Variants in SLC7A11 observed in about 807,000 individuals in gnomAD.
SLC7A11 encodes cystine/glutamate transporter.
Under a neutral mutation model 54.5 loss-of-function variants are expected in SLC7A11, and 35 were observed. That is an observed-to-expected ratio of 0.64 (90% confidence interval 0.49 to 0.85). The LOEUF (loss-of-function observed/expected upper bound fraction) is 0.85. Ranked by LOEUF, SLC7A11 falls within the 40% of genes least tolerant of loss-of-function variation. The pLI is 0.00. For synonymous variants in SLC7A11, 230 were observed against 225.2 expected (o/e 1.02, Z -0.19); for missense variants, 583 against 618.1 (o/e 0.94, Z 0.60).
rs1457188405 is a variant in SLC7A11 at position 138,164,337 on chromosome 4, T to G, written c.*7619A>C. On this transcript the variant is annotated 3_prime_UTR_variant, in exon 12 of 12. Coordinates refer to ENST00000280612, the MANE Select transcript of SLC7A11 (RefSeq NM_014331.4). Reference sequence around the variant, plus strand: ...TAAGATGAAAACAAACACACTTACTTCATAGCATCTTACCACTTACTTACA... The same window carrying G: ...TAAGATGAAAACAAACACACTTACTGCATAGCATCTTACCACTTACTTACA... The G allele has an allele frequency of 6.6e-6, 1 of 152,072 alleles. No homozygotes were observed. The highest frequency in any genetic ancestry group is 1.5e-5 in the Non-Finnish European group (1 of 67,992). The allele number at this position is 152,072 out of a possible 1,614,324, so 9.4% of individuals were successfully genotyped here.
intron 5 of SLC7A11, among the ~76,000 whole-genome samples, chr4:138,217,467 A>G (rs1737706419): frequency 6.6e-6 from 1 of 152,176 alleles, no homozygotes; most frequent in South Asian, 2.1e-4. Context: ...TCCATGGAGA[A>G]ATTCATCAGC....
chr4:138,226,095 T>C (rs1053859414), intron 3 of SLC7A11, among the ~76,000 whole-genome samples: 9 of 152,118 alleles, frequency 5.9e-5, no homozygotes, highest in Middle Eastern at 3.2e-3. Flanking sequence ...CTTAGGCAAA[T>C]GGAAGACAAA....
chr4:138,220,309 T>C (rs1232505364), intron 4 of SLC7A11, among the ~76,000 whole-genome samples: 1 of 152,172 alleles, frequency 6.6e-6, no homozygotes, highest in Admixed American at 6.5e-5. Context: ...GTATTACCCA[T>C]TCATGAAGTA....
rs145344234 is a variant in SLC7A11, at chr4:138,241,445, A to G, written c.277+348T>C. ...TGTCTCATTCAGCATGCCAGCTGCCAGAATGCCCAAGCTAAGTGTACAACT... is the reference window on the plus strand; with the variant it reads ...TGTCTCATTCAGCATGCCAGCTGCCGGAATGCCCAAGCTAAGTGTACAACT... On this transcript the variant is annotated intron_variant, in intron 1 of 11. Transcript: ENST00000280612. 1.8e-3 allele frequency among the ~76,000 whole-genome samples: 281 copies of G among 152,346 alleles called. 6 individuals are homozygous for G. Among genetic ancestry groups the G allele is most frequent in the African/African-American group, 6.3e-3 (262 of 41,588 alleles).
At chr4:138,219,742 G>A (rs942542026) in intron 4 of SLC7A11, among the ~76,000 whole-genome samples, 3 of 152,004 alleles carry the variant, frequency 2.0e-5, no homozygotes, top group African/African-American at 7.3e-5. Context: ...ATAATGTTTT[G>A]CTTGGCAAGA....
chr4:138,172,101 A>AAT (rs1030897142), intron 11 of SLC7A11, 84 bp from the exon 12 acceptor site: 2 of 1,380,964 alleles, frequency 1.4e-6, no homozygotes, highest in Admixed American at 5.3e-5. Context: ...TTTTGGGTTG[A>AAT]ATACCAAAAA....
rs541273722 is a variant in SLC7A11, at chr4:138,173,486, A to T, written c.1445-1469T>A. ...CCCATCTCTACTAAAAATACAAAAT[A>T]AGCTGGGTGTGATGGTGCATGCCTG... is the stretch of plus-strand genomic sequence containing the variant. On this transcript the variant is annotated intron_variant, in intron 11 of 11. Transcript: ENST00000280612. Among the ~76,000 whole-genome samples the T allele has an allele frequency of 1.1e-3, 171 of 151,962 alleles. No homozygotes were observed. In the South Asian group the frequency reaches 0.012, roughly 11 times the overall value.
rs1412701618 is a variant in SLC7A11 at position 138,179,182 on chromosome 4, T to C, written c.1444+35A>G. On this transcript the variant is annotated intron_variant, in intron 11 of 11. Transcript: ENST00000280612. The stretch of plus-strand genomic sequence containing the variant: ...ACCTTTATGGGTTTTCTACATGGTG[T>C]TGCACAATGTCCTGAAAGTATTTAA... 1.3e-5 allele frequency: 19 copies of C among 1,432,134 alleles called. No homozygotes were observed. In the African/African-American group the frequency reaches 1.8e-4, roughly 14 times the overall value. 88.7% of individuals were successfully genotyped at this position (1,432,134 alleles called of 1,614,324 possible).
chr4:138,226,710 T>G (rs1737957540), intron 3 of SLC7A11, among the ~76,000 whole-genome samples: 1 of 152,204 alleles, frequency 6.6e-6, no homozygotes, highest in Non-Finnish European at 1.5e-5. Flanking sequence ...AAGAGCTTTC[T>G]AAGTTTCTGA....
chr4:138,234,143 T>C (rs1350623702), intron 2 of SLC7A11, among the ~76,000 whole-genome samples: 1 of 152,240 alleles, frequency 6.6e-6, no homozygotes, highest in Admixed American at 6.5e-5. Flanking sequence ...TCTATCTTAA[T>C]CACAGTTTTA....
intron 11 of SLC7A11, among the ~76,000 whole-genome samples, chr4:138,173,988 A>T (rs1302090743): frequency 6.6e-6 from 1 of 152,204 alleles, no homozygotes; most frequent in Non-Finnish European, 1.5e-5. Flanking sequence ...ACGTGACAGT[A>T]GTTTAAAACA....
chr4:138,214,195 G>T (rs1017709476), intron 6 of SLC7A11, among the ~76,000 whole-genome samples: 3 of 151,934 alleles, frequency 2.0e-5, no homozygotes, highest in African/African-American at 7.2e-5. Flanking sequence ...TATGAAAAAA[G>T]ATTACATGAA....
chr4:138,175,195 C>A (rs1736539577), intron 11 of SLC7A11, among the ~76,000 whole-genome samples: 3 of 152,186 alleles, frequency 2.0e-5, no homozygotes, highest in Admixed American at 2.0e-4. Context: ...GTTATCTTGA[C>A]CCACTGTATG....
At chr4:138,172,111 A>G in intron 11 of SLC7A11, 94 bp from the exon 12 acceptor site, 1 of 1,259,644 alleles carries the variant, frequency 7.9e-7, no homozygotes, top group Non-Finnish European at 1.1e-6. Context: ...AATACCAAAA[A>G]CACACAACTG....
At chr4:138,212,425 A>T (rs976625220) in intron 6 of SLC7A11, among the ~76,000 whole-genome samples, 2 of 151,856 alleles carry the variant, frequency 1.3e-5, no homozygotes, top group East Asian at 3.9e-4. Context: ...CACTTTATGC[A>T]TATTAATTCA....
chr4:138,209,255 G>A (rs1030878804), intron 6 of SLC7A11, among the ~76,000 whole-genome samples: 1 of 151,918 alleles, frequency 6.6e-6, no homozygotes, highest in African/African-American at 2.4e-5. Flanking sequence ...ATTTTCAGCA[G>A]ATGATTCATT....
At chr4:138,191,156 G>A (rs1186127985) in intron 6 of SLC7A11, among the ~76,000 whole-genome samples, 1 of 152,160 alleles carries the variant, frequency 6.6e-6, no homozygotes, top group South Asian at 2.1e-4. Flanking sequence ...TGTGGTTCAT[G>A]TTCATGCTTA....
At chr4:138,211,048 A>G (rs1192580171) in intron 6 of SLC7A11, among the ~76,000 whole-genome samples, 1 of 151,920 alleles carries the variant, frequency 6.6e-6, no homozygotes. Context: ...ATATACATGT[A>G]CTATGCAGCC....
At chr4:138,231,703 C>A (rs945111562) in intron 3 of SLC7A11, among the ~76,000 whole-genome samples, 4 of 151,880 alleles carry the variant, frequency 2.6e-5, no homozygotes, top group African/African-American at 9.7e-5. Context: ...AATATTTGTG[C>A]CCATTGATAA....
Sources: gnomAD v4.1 joint callset for allele counts (sites outside exome capture counted in the v4.1 genomes callset) on GRCh38, gnomAD v4.1.1 for gene constraint, MANE v1.5 for transcripts, NCBI Gene and HGNC (gene_info 2026-07-23, HGNC 2026-07-21) for gene names.